The following TTC28 variants were observed in gnomAD, a reference collection of about 807,000 sequenced individuals.
TTC28 encodes the protein tetratricopeptide repeat domain 28.
TTC28 carries 61 observed loss-of-function variants against 198.0 expected under a neutral mutation model. The observed-to-expected ratio is 0.31, with a 90% CI of 0.25 to 0.38. TTC28 has a LOEUF of 0.38. Ranked by LOEUF, TTC28 falls within the 10% of genes least tolerant of loss-of-function variation. TTC28 has a pLI of 1.00. For synonymous variants in TTC28, 1,171 were observed against 1,297.8 expected (o/e 0.90, Z 2.10); for missense variants, 2,678 against 3,164.0 (o/e 0.85, Z 3.69).
chr22:28,468,572 A>G (rs1463127442), intron 2 of TTC28, among the ~76,000 whole-genome samples: 2 of 151,268 alleles, frequency 1.3e-5, no homozygotes, highest in Non-Finnish European at 2.9e-5. Flanking sequence ...GCTGGAGTGC[A>G]ATGGCACACT....
chr22:27,997,143 A>C (rs1373935605), intron 16 of TTC28, among the ~76,000 whole-genome samples: 1 of 152,164 alleles, frequency 6.6e-6, no homozygotes, highest in African/African-American at 2.4e-5. Context: ...CACAGGGGTC[A>C]CCTCTACTTT....
intron 2 of TTC28, among the ~76,000 whole-genome samples, chr22:28,561,289 G>A (rs1330511147): frequency 6.7e-6 from 1 of 149,018 alleles, no homozygotes; most frequent in Non-Finnish European, 1.5e-5. Context: ...TGTTGGCCAG[G>A]ATGGTCTTGA....
intron 6 of TTC28, among the ~76,000 whole-genome samples, chr22:28,123,598 A>G (rs928953429): frequency 1.3e-5 from 2 of 152,116 alleles, no homozygotes; most frequent in Non-Finnish European, 2.9e-5. Context: ...TTTATTGCAC[A>G]CTTTACATTT....
At position 28,105,594 on chromosome 22, in the gene TTC28, C is replaced by T. The variant is rs1489837251; in HGVS notation, c.2992G>A (p.Asp998Asn). 1.3e-6 allele frequency: 2 copies of T among 1,551,738 alleles called. No homozygotes were observed. Among genetic ancestry groups the T allele is most frequent in the African/African-American group, 1.4e-5 (1 of 73,030 alleles). ...RDMKDRALES[D>N]AACGLGGVYQ... ...ACGCCCCCCAGGCCACAGGCTGCGTCACTCTCCAGGGCTCGGTCTTTCATA... is the reference window on the plus strand; with the variant it reads ...ACGCCCCCCAGGCCACAGGCTGCGTTACTCTCCAGGGCTCGGTCTTTCATA... Residue 998 changes from aspartate (D) to asparagine (N), a missense_variant, in exon 8 of 23, where the codon GAC becomes AAC. Asp to Asn is a conservative substitution (Grantham distance 23, BLOSUM62 1). Transcript: ENST00000397906.
At chr22:28,013,206 G>A (rs894524800) in intron 14 of TTC28, among the ~76,000 whole-genome samples, 11 of 152,246 alleles carry the variant, frequency 7.2e-5, no homozygotes, top group African/African-American at 2.4e-4. Flanking sequence ...GAGAGCTGCT[G>A]AAGGCCACTC....
chr22:28,332,538 T>C (rs1045685053), intron 2 of TTC28, among the ~76,000 whole-genome samples: 7 of 152,068 alleles, frequency 4.6e-5, no homozygotes, highest in Admixed American at 1.3e-4. Flanking sequence ...CTACCAAATA[T>C]TCTGCAATAC....
chr22:28,170,113 A>G (rs1439745518), intron 5 of TTC28, among the ~76,000 whole-genome samples: 3 of 152,158 alleles, frequency 2.0e-5, no homozygotes, highest in Non-Finnish European at 2.9e-5. Flanking sequence ...TTAAGGACTT[A>G]TTGACATTTC....
chr22:28,360,700 T>TATAA (rs1165389322), intron 2 of TTC28, among the ~76,000 whole-genome samples: 1 of 152,150 alleles, frequency 6.6e-6, no homozygotes, highest in Non-Finnish European at 1.5e-5. Context: ...AATGACTGAT[T>TATAA]GTATAGGCAT....
At chr22:28,188,795 G>T (rs1001125305) in intron 5 of TTC28, among the ~76,000 whole-genome samples, 9 of 152,126 alleles carry the variant, frequency 5.9e-5, no homozygotes, top group Non-Finnish European at 1.3e-4. Flanking sequence ...GGTGTGCACA[G>T]ACTAACATGA....
intron 2 of TTC28, among the ~76,000 whole-genome samples, chr22:28,398,401 G>A (rs1273057717): frequency 6.6e-6 from 1 of 152,196 alleles, no homozygotes; most frequent in Non-Finnish European, 1.5e-5. Context: ...GCTAAGAAGA[G>A]GAGGGGCAAG....
chr22:28,151,701 C>G (rs558467058), intron 6 of TTC28, among the ~76,000 whole-genome samples: 4 of 152,168 alleles, frequency 2.6e-5, no homozygotes, highest in African/African-American at 9.7e-5. Context: ...AGAAAAATCT[C>G]CTGCTTTGGT....
intron 2 of TTC28, among the ~76,000 whole-genome samples, chr22:28,432,674 T>C (rs1490308373): frequency 2.6e-5 from 4 of 152,250 alleles, no homozygotes; most frequent in Admixed American, 6.5e-5. Flanking sequence ...TATGCAGTTA[T>C]GATTTACTTA....
chr22:28,636,700 G>A (rs377185734), intron 1 of TTC28, among the ~76,000 whole-genome samples: 3 of 151,920 alleles, frequency 2.0e-5, no homozygotes, highest in South Asian at 2.1e-4. Flanking sequence ...CAGGTATTTC[G>A]CTCATTTTAA....
At chr22:28,421,735 C>T (rs1420372829) in intron 2 of TTC28, among the ~76,000 whole-genome samples, 1 of 152,018 alleles carries the variant, frequency 6.6e-6, no homozygotes, top group East Asian at 1.9e-4. Flanking sequence ...ATCACGAGGT[C>T]AGGAGATCGA....
At chr22:28,536,321 T>C (rs2049277045) in intron 2 of TTC28, among the ~76,000 whole-genome samples, 1 of 150,870 alleles carries the variant, frequency 6.6e-6, no homozygotes, top group Admixed American at 6.6e-5. Flanking sequence ...TATGATAAAA[T>C]CTTTTTAAAC....
intron 2 of TTC28, among the ~76,000 whole-genome samples, chr22:28,338,037 T>C (rs1490082852): frequency 6.6e-6 from 1 of 152,036 alleles, no homozygotes; most frequent in East Asian, 1.9e-4. Flanking sequence ...GCAGGCCTGG[T>C]GGTGACAAAA....
At chr22:28,337,549 G>A (rs1219304881) in intron 2 of TTC28, among the ~76,000 whole-genome samples, 1 of 152,206 alleles carries the variant, frequency 6.6e-6, no homozygotes. Flanking sequence ...ATGTATTTAG[G>A]ATAGTTAGCT....
At chr22:28,063,398 T>G (rs549200448) in intron 12 of TTC28, among the ~76,000 whole-genome samples, 2 of 152,296 alleles carry the variant, frequency 1.3e-5, no homozygotes, top group African/African-American at 4.8e-5. Flanking sequence ...GACCTTAGGC[T>G]AAAAGCCATA....
intron 2 of TTC28, among the ~76,000 whole-genome samples, chr22:28,460,605 TGGTAGATA>T (rs1319447113): frequency 2.3e-5 from 3 of 129,586 alleles, no homozygotes; most frequent in African/African-American, 8.7e-5. Context: ...AGATGATTAA[TGGTAGATA>T]GATAGATAGA....
Sources: gnomAD v4.1 joint callset for allele counts (sites outside exome capture counted in the v4.1 genomes callset) on GRCh38, gnomAD v4.1.1 for gene constraint, MANE v1.5 for transcripts, NCBI Gene and HGNC (gene_info 2026-07-23, HGNC 2026-07-21) for gene names.